The following SUGCT variants were observed in gnomAD, a reference collection of about 807,000 sequenced individuals.
SUGCT encodes the protein succinyl-CoA:glutarate CoA-transferase.
SUGCT carries 41 observed loss-of-function variants against 55.0 expected under a neutral mutation model. The observed-to-expected ratio is 0.74, with a 90% CI of 0.58 to 0.97. The LOEUF is 0.97. Ranked by LOEUF, SUGCT falls within the 50% of genes least tolerant of loss-of-function variation. The pLI, the probability that SUGCT is intolerant of heterozygous loss-of-function variation, is 0.00. For synonymous variants in SUGCT, 187 were observed against 200.4 expected (o/e 0.93, Z 0.56); for missense variants, 568 against 547.8 (o/e 1.04, Z -0.37).
chr7:40,916,046 A>ACTCT, the SUGCT span, among the ~76,000 whole-genome samples: 1 of 100,434 alleles, frequency 1.0e-5, no homozygotes, highest in Admixed American at 9.8e-5. Context: ...GATGTGGGAC[A>ACTCT]CTCTCTCTCT....
At chr7:40,683,378 C>T (rs1041510080) in intron 12 of SUGCT, among the ~76,000 whole-genome samples, 5 of 152,150 alleles carry the variant, frequency 3.3e-5, no homozygotes, top group African/African-American at 1.2e-4. Flanking sequence ...AAGACCACCC[C>T]CTTCCTTTCT....
intron 6 of SUGCT, among the ~76,000 whole-genome samples, chr7:40,237,122 C>T (rs954951162): frequency 4.6e-5 from 7 of 151,488 alleles, no homozygotes; most frequent in South Asian, 2.1e-4. Flanking sequence ...CGTGAGCCAC[C>T]GCACCCGGCC....
intron 13 of SUGCT, among the ~76,000 whole-genome samples, chr7:40,786,481 T>A (rs1262257076): frequency 6.6e-6 from 1 of 152,190 alleles, no homozygotes; most frequent in Admixed American, 6.5e-5. Context: ...TTCAATTATG[T>A]TAATGTAAGG....
intron 12 of SUGCT, among the ~76,000 whole-genome samples, chr7:40,606,424 C>T (rs1584113137): frequency 6.6e-6 from 1 of 152,220 alleles, no homozygotes; most frequent in African/African-American, 2.4e-5. Context: ...GTCTTCAGCT[C>T]AGAGAGAGAA....
chr7:40,624,241 A>G (rs930911176), intron 12 of SUGCT, among the ~76,000 whole-genome samples: 2 of 152,076 alleles, frequency 1.3e-5, no homozygotes, highest in Admixed American at 6.6e-5. Flanking sequence ...GCTCTAGGCT[A>G]TCCTCTCCTC....
intron 12 of SUGCT, among the ~76,000 whole-genome samples, chr7:40,608,960 C>T (rs931549966): frequency 6.6e-6 from 1 of 152,080 alleles, no homozygotes; most frequent in African/African-American, 2.4e-5. Context: ...GCCAGTTTGT[C>T]TTTCTGATTT....
At chr7:40,222,574 T>G (rs1472067549) in intron 6 of SUGCT, among the ~76,000 whole-genome samples, 1 of 152,180 alleles carries the variant, frequency 6.6e-6, no homozygotes, top group Non-Finnish European at 1.5e-5. Context: ...TGGAATAGAC[T>G]GGGCGCGGTG....
chr7:40,765,217 A>G (rs1584405124), intron 13 of SUGCT, among the ~76,000 whole-genome samples: 1 of 152,170 alleles, frequency 6.6e-6, no homozygotes, highest in East Asian at 1.9e-4. Context: ...GACAAATACA[A>G]ACAACTGTCA....
the SUGCT span, among the ~76,000 whole-genome samples, chr7:40,913,693 A>G: frequency 6.6e-6 from 1 of 152,100 alleles, no homozygotes; most frequent in Non-Finnish European, 1.5e-5. Flanking sequence ...GGACTCATCT[A>G]GTTGTCTTTG....
intron 12 of SUGCT, among the ~76,000 whole-genome samples, chr7:40,669,317 A>G (rs375401965): frequency 6.7e-6 from 1 of 150,334 alleles, no homozygotes; most frequent in Non-Finnish European, 1.5e-5. Flanking sequence ...CCAGAGTCAC[A>G]TAACATAATA....
chr7:40,258,828 A>G (rs1446087022), intron 7 of SUGCT, among the ~76,000 whole-genome samples: 1 of 152,212 alleles, frequency 6.6e-6, no homozygotes, highest in Non-Finnish European at 1.5e-5. Context: ...AACCCCACCA[A>G]TGGGCATATA....
chr7:40,390,961 A>G (rs1326741393), intron 9 of SUGCT, among the ~76,000 whole-genome samples: 2 of 152,118 alleles, frequency 1.3e-5, no homozygotes, highest in South Asian at 2.1e-4. Flanking sequence ...ACAGAACAGA[A>G]CCCTCAGAAA....
intron 12 of SUGCT, among the ~76,000 whole-genome samples, chr7:40,568,133 C>A (rs985853902): frequency 1.3e-5 from 2 of 152,092 alleles, no homozygotes; most frequent in Admixed American, 1.3e-4. Context: ...CATTTCTTTT[C>A]TTTTACCAGC....
At chr7:40,263,953 A>G (rs1791390958) in intron 7 of SUGCT, among the ~76,000 whole-genome samples, 2 of 150,854 alleles carry the variant, frequency 1.3e-5, no homozygotes, top group South Asian at 2.1e-4. Context: ...CTGGAGGTGT[A>G]TGGGTGAAAG....
chr7:40,328,713 ATGTGTATGTGTG>A lies in SUGCT; in HGVS notation c.816+11874_816+11885del, dbSNP rs369371771. 2.4e-3 allele frequency among the ~76,000 whole-genome samples: 363 copies of A among 151,944 alleles called. 4 individuals carry two copies. Among genetic ancestry groups the A allele is most frequent in the African/African-American group, 8.2e-3 (340 of 41,438 alleles). The stretch of plus-strand genomic sequence containing the variant: ...TTGAACAAGAAAGTGGGTTTTGTAC[ATGTGTATGTGTG>A]TGTGTATGTGTGTGTATGTGTGTGC... On this transcript the variant is annotated intron_variant, in intron 9 of 13. Coordinates refer to ENST00000335693, the MANE Select transcript of SUGCT (RefSeq NM_001193313.2).
At chr7:40,167,744 G>A (rs1438090922) in intron 1 of SUGCT, among the ~76,000 whole-genome samples, 2 of 152,204 alleles carry the variant, frequency 1.3e-5, no homozygotes, top group Admixed American at 6.5e-5. Context: ...GCGGCAATGG[G>A]TGCCTCACTG....
intron 12 of SUGCT, among the ~76,000 whole-genome samples, chr7:40,497,839 A>G (rs1175510338): frequency 6.6e-6 from 1 of 151,948 alleles, no homozygotes; most frequent in Non-Finnish European, 1.5e-5. Flanking sequence ...ACCAAAGCAA[A>G]GAGTTATTTT....
the SUGCT span, among the ~76,000 whole-genome samples, chr7:40,918,093 A>G: frequency 6.6e-6 from 1 of 152,126 alleles, no homozygotes; most frequent in Admixed American, 6.5e-5. Flanking sequence ...ATGAGCCTAG[A>G]GGCAGGAGAA....
chr7:40,352,504 T>C (rs1397520761), intron 9 of SUGCT, among the ~76,000 whole-genome samples: 2 of 152,178 alleles, frequency 1.3e-5, no homozygotes, highest in Non-Finnish European at 2.9e-5. Context: ...GTTGTTGCCT[T>C]TCTTGTATCC....
Sources: allele counts gnomAD v4.1 joint callset (sites outside exome capture counted in the v4.1 genomes callset), GRCh38; gene constraint gnomAD v4.1.1; transcripts MANE v1.5; gene names NCBI Gene and HGNC (gene_info 2026-07-23, HGNC 2026-07-21).